The following MICU1 variants were observed in gnomAD, a reference collection of about 807,000 sequenced individuals.
The protein encoded by MICU1 is calcium uptake protein 1, mitochondrial.
Under a neutral mutation model 56.8 loss-of-function variants are expected in MICU1, and 45 were observed. That is an observed-to-expected ratio of 0.79 (90% CI 0.62 to 1.02). The LOEUF (loss-of-function observed/expected upper bound fraction) is 1.02, where lower values mean the gene tolerates loss of function less well. Among genes scored for constraint, MICU1 ranks in the 50% least tolerant of loss-of-function variants. The pLI is 0.00. For synonymous variants in MICU1, 186 were observed against 195.1 expected, an observed-to-expected ratio of 0.95 and a Z score of 0.39; for missense variants, 504 against 587.1, an observed-to-expected ratio of 0.86 and a Z score of 1.46.
chr10:72,421,755 C>A (rs1864182282), intron 9 of MICU1, among the ~76,000 whole-genome samples: 1 of 152,140 alleles, frequency 6.6e-6, no homozygotes, highest in Non-Finnish European at 1.5e-5. Context: ...TGCTCTTCTC[C>A]AAACTATCTT....
intron 6 of MICU1, among the ~76,000 whole-genome samples, chr10:72,482,098 G>A (rs1315212020): frequency 1.3e-5 from 2 of 152,160 alleles, no homozygotes; most frequent in Non-Finnish European, 2.9e-5. Context: ...CACATAATCA[G>A]ATAAACACTA....
intron 10 of MICU1, among the ~76,000 whole-genome samples, chr10:72,398,657 C>T (rs1173060139): frequency 1.3e-5 from 2 of 152,054 alleles, no homozygotes; most frequent in African/African-American, 4.8e-5. Flanking sequence ...GAGAATACTA[C>T]AAACACCTCT....
intron 5 of MICU1, chr10:72,533,139 T>C: frequency 7.8e-7 from 1 of 1,290,090 alleles, no homozygotes; most frequent in Non-Finnish European, 1.0e-6. Context: ...CCCTGTGTAA[T>C]ATTTTCTTTT....
intron 1 of MICU1, among the ~76,000 whole-genome samples, chr10:72,610,095 C>T (rs1052733927): frequency 6.6e-6 from 1 of 150,976 alleles, no homozygotes; most frequent in South Asian, 2.1e-4. Flanking sequence ...CCCATCCCTA[C>T]AAAAATTTTT....
intron 10 of MICU1, among the ~76,000 whole-genome samples, chr10:72,391,160 G>A: frequency 6.6e-6 from 1 of 152,238 alleles, no homozygotes; most frequent in Non-Finnish European, 1.5e-5. Context: ...AATGTCGGGT[G>A]CAGTGGCTCA....
intron 3 of MICU1, 134 bp downstream of exon 3, chr10:72,562,761 T>C (rs970171310): frequency 3.7e-6 from 3 of 804,588 alleles, no homozygotes; most frequent in Non-Finnish European, 5.3e-6. Flanking sequence ...GCTTAGAACA[T>C]GATAGAAAAT....
chr10:72,609,424 T>C (rs551347402), intron 1 of MICU1, among the ~76,000 whole-genome samples: 118 of 152,090 alleles, frequency 7.8e-4, no homozygotes, highest in Middle Eastern at 3.4e-3. Context: ...AAGGATCACT[T>C]GAGGCCAGGA....
chr10:72,478,412 A>G lies in MICU1; in HGVS notation c.653-1156T>C, dbSNP rs550249091. On this transcript the variant is annotated intron_variant, in intron 6 of 11. Coordinates refer to ENST00000361114, the MANE Select transcript of MICU1 (RefSeq NM_001195518.2). Reference sequence around the variant, plus strand: ...CAGCCCTCCTCCCTTCCCATACTAAATGTTCTGGTAAAGAAAACTAAGTTG... The same window carrying G: ...CAGCCCTCCTCCCTTCCCATACTAAGTGTTCTGGTAAAGAAAACTAAGTTG... 5.3e-5 allele frequency among the ~76,000 whole-genome samples: 8 copies of G among 152,216 alleles called. No homozygotes were observed. In the South Asian group the frequency reaches 1.5e-3, roughly 28 times the overall value.
intron 5 of MICU1, among the ~76,000 whole-genome samples, chr10:72,516,715 T>C (rs1304690035): frequency 6.6e-6 from 1 of 152,192 alleles, no homozygotes; most frequent in East Asian, 1.9e-4. Context: ...TGCTTGTTTT[T>C]GTCAGGTTTT....
At chr10:72,592,507 C>G (rs993433229) in intron 1 of MICU1, among the ~76,000 whole-genome samples, 11 of 152,032 alleles carry the variant, frequency 7.2e-5, no homozygotes, top group African/African-American at 9.7e-5. Context: ...AATATCAAAG[C>G]CAGACAAAGA....
rs370976587 is a variant in MICU1, at chr10:72,477,157, T to C, written c.735+17A>G. 8.6e-6 allele frequency: 13 copies of C among 1,514,966 alleles called. No homozygotes were observed. In the East Asian group the frequency reaches 1.2e-4, roughly 14 times the overall value. The allele number at this position is 1,514,966 out of a possible 1,614,324, so 93.8% of individuals were successfully genotyped here. ...TAAATATTAATGTATTTAGAGGAAC[T>C]CTCCAGGACAACTTGCCTGTTCAAA... On this transcript the variant is annotated intron_variant, in intron 7 of 11. Coordinates refer to ENST00000361114, the MANE Select transcript of MICU1 (RefSeq NM_001195518.2).
At chr10:72,527,368 TTTTG>T (rs1297452360) in intron 5 of MICU1, among the ~76,000 whole-genome samples, 2 of 151,302 alleles carry the variant, frequency 1.3e-5, no homozygotes, top group Non-Finnish European at 3.0e-5. Context: ...TTTGTTTTTG[TTTTG>T]TTTTGTTTTG....
chr10:72,450,387 G>A (rs1865258202), intron 8 of MICU1, among the ~76,000 whole-genome samples: 1 of 151,858 alleles, frequency 6.6e-6, no homozygotes, highest in Non-Finnish European at 1.5e-5. Context: ...TAGTTAGGCG[G>A]CAACTGAAGT....
rs189179931 is a variant in MICU1 at position 72,422,655 on chromosome 10, C to T, written c.1071+579G>A. Among the ~76,000 whole-genome samples, 14 of 152,028 alleles carry T rather than the reference C, an allele frequency of 9.2e-5. No individual in the cohort carries two copies. The East Asian group carries it at 1.9e-3, about 21-fold the overall frequency. ...TCGCTGTTATATGTGACATGGTAGACCCCTCAGTTCTTGAACCTTCTATTT... is the reference window on the plus strand; with the variant it reads ...TCGCTGTTATATGTGACATGGTAGATCCCTCAGTTCTTGAACCTTCTATTT... On this transcript the variant is annotated intron_variant, in intron 9 of 11. Transcript: ENST00000361114.
At chr10:72,388,307 T>C (rs1460628488) in intron 10 of MICU1, among the ~76,000 whole-genome samples, 1 of 152,246 alleles carries the variant, frequency 6.6e-6, no homozygotes, top group African/African-American at 2.4e-5. Context: ...CATACATGCC[T>C]TTTTCTGGTC....
chr10:72,440,866 G>C (rs1159532284), intron 8 of MICU1, among the ~76,000 whole-genome samples: 1 of 152,002 alleles, frequency 6.6e-6, no homozygotes, highest in African/African-American at 2.4e-5. Context: ...TCTCATGCCA[G>C]TTAGAATAGC....
chr10:72,429,146 G>A (rs1466137367), intron 8 of MICU1, among the ~76,000 whole-genome samples: 1 of 152,194 alleles, frequency 6.6e-6, no homozygotes, highest in Non-Finnish European at 1.5e-5. Flanking sequence ...TGGGCTGGGT[G>A]TGGTGGGTCA....
chr10:72,566,479 C>T (rs892653633), intron 2 of MICU1, among the ~76,000 whole-genome samples, 154 bp downstream of exon 2: 1 of 152,192 alleles, frequency 6.6e-6, no homozygotes, highest in Non-Finnish European at 1.5e-5. Flanking sequence ...TTCTTTGAAA[C>T]ATCTTATTTC....
intron 1 of MICU1, among the ~76,000 whole-genome samples, chr10:72,606,356 A>G (rs1021054816): frequency 2.0e-5 from 3 of 151,820 alleles, no homozygotes; most frequent in Non-Finnish European, 4.4e-5. Flanking sequence ...TACTGAAAAT[A>G]CAAAAAAATT....
Sources: allele counts gnomAD v4.1 joint callset (sites outside exome capture counted in the v4.1 genomes callset), GRCh38; gene constraint gnomAD v4.1.1; transcripts MANE v1.5; gene names NCBI Gene and HGNC (gene_info 2026-07-23, HGNC 2026-07-21).